The following CTNND2 variants were observed in gnomAD, a reference collection of about 807,000 sequenced individuals.
CTNND2 encodes the protein catenin delta 2.
A neutral mutation model predicts 144.4 loss-of-function variants in CTNND2; 22 were observed. The observed-to-expected ratio is 0.15, with a 90% CI of 0.11 to 0.22. The LOEUF (loss-of-function observed/expected upper bound fraction) is 0.22, where lower values mean the gene tolerates loss of function less well. CTNND2 is among the 10% of genes least tolerant of loss of function. The probability of loss-of-function intolerance (pLI) is 1.00; values close to 1 mark genes in which losing one functional copy is unlikely to be tolerated. For synonymous variants in CTNND2, 751 were observed against 695.6 expected (o/e 1.08, Z -1.25); for missense variants, 1,353 against 1,618.8 (o/e 0.84, Z 2.82).
rs1314927104 is a variant in CTNND2 at position 11,022,874 on chromosome 5, C to T, written c.2894G>A (p.Cys965Tyr). 1 of 1,614,196 alleles carries T rather than the reference C, an allele frequency of 6.2e-7. No individual in the cohort carries two copies. Among genetic ancestry groups the T allele is most frequent in the East Asian group, 2.2e-5 (1 of 44,890 alleles). ...CTTGGTAATCACTTCGTGCAGTGTG[C>T]AGCAGACAGCTGTCACTGTGTCATC... ...MSDDTVTAVC[C>Y]TLHEVITKNM... The change falls in exon 17 of 22, where the codon TGC (cysteine) becomes TAC (tyrosine). Residue 965 changes from cysteine to tyrosine, a missense_variant. Cys to Tyr is a radical substitution (Grantham distance 194). Transcript: ENST00000304623.
At chr5:11,158,869 T>C (rs1171762001) in intron 12 of CTNND2, among the ~76,000 whole-genome samples, 1 of 152,196 alleles carries the variant, frequency 6.6e-6, no homozygotes, top group Non-Finnish European at 1.5e-5. Context: ...TGGTACAAAA[T>C]ACAACACTTT....
At chr5:11,694,653 C>G (rs1785064463) in intron 2 of CTNND2, among the ~76,000 whole-genome samples, 1 of 152,130 alleles carries the variant, frequency 6.6e-6, no homozygotes, top group Non-Finnish European at 1.5e-5. Context: ...TTAACATACA[C>G]AAGCTCACAA....
chr5:11,726,403 T>C (rs997046809), intron 2 of CTNND2, among the ~76,000 whole-genome samples: 2 of 152,188 alleles, frequency 1.3e-5, no homozygotes, highest in Admixed American at 6.5e-5. Context: ...GATAATCTTA[T>C]ATTCATATAA....
At chr5:11,018,547 G>A (rs1212806508) in intron 17 of CTNND2, among the ~76,000 whole-genome samples, 2 of 152,124 alleles carry the variant, frequency 1.3e-5, no homozygotes, top group Non-Finnish European at 2.9e-5. Flanking sequence ...AAAAGTTCTT[G>A]AAGAAAATTA....
intron 2 of CTNND2, among the ~76,000 whole-genome samples, chr5:11,711,352 G>C (rs566906303): frequency 1.3e-5 from 2 of 152,038 alleles, no homozygotes; most frequent in Non-Finnish European, 2.9e-5. Context: ...CCACCACGCC[G>C]GGCCGACTGG....
At chr5:11,510,361 G>C (rs921935998) in intron 3 of CTNND2, among the ~76,000 whole-genome samples, 1 of 151,920 alleles carries the variant, frequency 6.6e-6, no homozygotes, top group Admixed American at 6.6e-5. Context: ...AGAATCTCAG[G>C]CCCCTTCCCA....
intron 3 of CTNND2, among the ~76,000 whole-genome samples, chr5:11,438,236 T>C (rs959664858): frequency 1.3e-5 from 2 of 152,230 alleles, no homozygotes; most frequent in East Asian, 3.9e-4. Flanking sequence ...CAAATGCAGA[T>C]TCAATTATAT....
chr5:11,026,745 A>G (rs574457163), intron 16 of CTNND2, among the ~76,000 whole-genome samples: 266 of 152,272 alleles, frequency 1.7e-3, no homozygotes, highest in African/African-American at 6.1e-3. Context: ...GGAAACTATA[A>G]TATTTCAGGA....
chr5:11,267,178 C>G (rs747173281), intron 9 of CTNND2, among the ~76,000 whole-genome samples: 2 of 152,198 alleles, frequency 1.3e-5, no homozygotes, highest in African/African-American at 4.8e-5. Context: ...CGTGCCCGAC[C>G]TGAAGCTGAC....
rs576446310 is a variant in CTNND2, at chr5:11,542,039, C to T, written c.287+22905G>A. ...GTCCCCGTAGGGACATCATCACCCCCTTCCTGTTGAAAAAGCACAATGTAA... is the reference window on the plus strand; with the variant it reads ...GTCCCCGTAGGGACATCATCACCCCTTTCCTGTTGAAAAAGCACAATGTAA... On this transcript the variant is annotated intron_variant, in intron 3 of 21. Coordinates refer to ENST00000304623, the MANE Select transcript of CTNND2 (RefSeq NM_001332.4). 6.6e-5 allele frequency among the ~76,000 whole-genome samples: 10 copies of T among 152,200 alleles called. No homozygotes were observed. The South Asian group carries it at 2.1e-3, about 32-fold the overall frequency.
At chr5:11,766,662 G>T (rs1234038525) in intron 1 of CTNND2, among the ~76,000 whole-genome samples, 1 of 152,078 alleles carries the variant, frequency 6.6e-6, no homozygotes, top group African/African-American at 2.4e-5. Context: ...AACTAATATA[G>T]GTGGCTTGGG....
chr5:11,067,896 T>C (rs1747781841), intron 16 of CTNND2, among the ~76,000 whole-genome samples: 1 of 152,196 alleles, frequency 6.6e-6, no homozygotes, highest in Admixed American at 6.5e-5. Flanking sequence ...TATTAAAATA[T>C]AATATTCCTA....
chr5:11,330,054 C>G (rs1232839219), intron 9 of CTNND2, among the ~76,000 whole-genome samples: 1 of 152,092 alleles, frequency 6.6e-6, no homozygotes, highest in Non-Finnish European at 1.5e-5. Context: ...CAGTATGGGC[C>G]TGAATGATAC....
chr5:11,010,310 A>C (rs1561166089), intron 18 of CTNND2, among the ~76,000 whole-genome samples: 1 of 152,268 alleles, frequency 6.6e-6, no homozygotes, highest in Non-Finnish European at 1.5e-5. Flanking sequence ...AGAAAGTAGA[A>C]TCTATTAATT....
intron 3 of CTNND2, among the ~76,000 whole-genome samples, chr5:11,439,740 ATATCTATCTATC>A (rs57368706): frequency 0.17 from 24,813 of 146,068 alleles, 2,224 homozygotes; most frequent in Admixed American, 0.24. Context: ...TCTGCTAGCT[ATATCTATCTATC>A]TATCTATCTA....
intron 3 of CTNND2, among the ~76,000 whole-genome samples, chr5:11,502,181 C>G (rs1186291139): frequency 6.8e-6 from 1 of 146,944 alleles, no homozygotes; most frequent in South Asian, 2.3e-4. Flanking sequence ...ACGTCCAGAA[C>G]TGTGAGAAAT....
intron 3 of CTNND2, among the ~76,000 whole-genome samples, chr5:11,423,476 T>A (rs1762530803): frequency 1.3e-5 from 2 of 152,190 alleles, no homozygotes; most frequent in African/African-American, 4.8e-5. Context: ...TCTTTTGCAT[T>A]CAATGTATTT....
At chr5:11,260,233 G>C (rs1253208407) in intron 9 of CTNND2, among the ~76,000 whole-genome samples, 1 of 152,164 alleles carries the variant, frequency 6.6e-6, no homozygotes, top group Admixed American at 6.5e-5. Flanking sequence ...ATGCTGAGAG[G>C]ATAAATGGAC....
At chr5:11,800,834 C>T (rs528948221) in intron 1 of CTNND2, among the ~76,000 whole-genome samples, 2 of 152,230 alleles carry the variant, frequency 1.3e-5, no homozygotes, top group African/African-American at 2.4e-5. Context: ...GTAATAGATA[C>T]TTTATAAGTC....
Sources: allele counts gnomAD v4.1 joint callset (sites outside exome capture counted in the v4.1 genomes callset), GRCh38; gene constraint gnomAD v4.1.1; transcripts MANE v1.5; gene names NCBI Gene and HGNC (gene_info 2026-07-23, HGNC 2026-07-21).